Variants in KIAA1549L observed in about 807,000 individuals in gnomAD.
The protein encoded by KIAA1549L is KIAA1549 like.
A neutral mutation model predicts 160.7 loss-of-function variants in KIAA1549L; 88 were observed. The observed-to-expected ratio is 0.55, with a 90% CI of 0.46 to 0.65. The LOEUF (loss-of-function observed/expected upper bound fraction) is 0.65. Among genes scored for constraint, KIAA1549L ranks in the 30% least tolerant of loss-of-function variants. The pLI, the probability that KIAA1549L is intolerant of heterozygous loss-of-function variation, is 0.00. For synonymous variants in KIAA1549L, 950 were observed against 976.7 expected (o/e 0.97, Z 0.51); for missense variants, 2,258 against 2,437.5 (o/e 0.93, Z 1.55).
chr11:33,643,248 G>A (rs1427694599), intron 16 of KIAA1549L, among the ~76,000 whole-genome samples: 1 of 152,070 alleles, frequency 6.6e-6, no homozygotes, highest in Non-Finnish European at 1.5e-5. Flanking sequence ...AGCAAAGGTA[G>A]CACTTATGTA....
intron 11 of KIAA1549L, among the ~76,000 whole-genome samples, chr11:33,588,907 C>G (rs192195771): frequency 2.1e-4 from 32 of 152,114 alleles, no homozygotes; most frequent in African/African-American, 7.0e-4. Context: ...TAGACAGCCT[C>G]AAATAAAAAA....
At chr11:33,431,655 C>A (rs1418853592) in intron 1 of KIAA1549L, among the ~76,000 whole-genome samples, 1 of 152,260 alleles carries the variant, frequency 6.6e-6, no homozygotes, top group African/African-American at 2.4e-5. Flanking sequence ...AAGGCCCCAC[C>A]AGACTCAGGA....
intron 14 of KIAA1549L, among the ~76,000 whole-genome samples, chr11:33,607,799 C>T (rs1364472320): frequency 6.6e-6 from 1 of 152,138 alleles, no homozygotes; most frequent in East Asian, 1.9e-4. Flanking sequence ...TTTACAAACC[C>T]AACTCAGGAA....
chr11:33,443,903 C>T (rs1851558903), intron 1 of KIAA1549L, among the ~76,000 whole-genome samples: 1 of 152,148 alleles, frequency 6.6e-6, no homozygotes, highest in Admixed American at 6.5e-5. Flanking sequence ...GGAGCTGGCA[C>T]CAGTGAGCTC....
At position 33,385,054 on chromosome 11, in the gene KIAA1549L, C is replaced by T. The variant is rs149563249; in HGVS notation, c.238+8165C>T. On this transcript the variant is annotated intron_variant, in intron 1 of 20. Coordinates refer to ENST00000658780, the MANE Select transcript of KIAA1549L (RefSeq NM_012194.3). The stretch of plus-strand genomic sequence containing the variant: ...TAGCATAGAAATTGCCTAATGTGTG[C>T]CAAGGTCACAAATATCTATGATTTC... 2.0e-5 allele frequency among the ~76,000 whole-genome samples: 3 copies of T among 151,650 alleles called. No individual in the cohort carries two copies. In the East Asian group the frequency reaches 5.8e-4, roughly 29 times the overall value.
At chr11:33,512,041 G>A (rs534477309) in intron 1 of KIAA1549L, among the ~76,000 whole-genome samples, 44 of 152,268 alleles carry the variant, frequency 2.9e-4, no homozygotes, top group Non-Finnish European at 4.9e-4. Flanking sequence ...CTAGTTAGCC[G>A]TTTCTCCTGG....
At chr11:33,567,321 A>C (rs1050087196) in intron 8 of KIAA1549L, among the ~76,000 whole-genome samples, 2 of 152,184 alleles carry the variant, frequency 1.3e-5, no homozygotes, top group African/African-American at 4.8e-5. Context: ...GTTGGCTGTG[A>C]TGTACACTTT....
At chr11:33,628,882 G>T (rs551067453) in intron 16 of KIAA1549L, among the ~76,000 whole-genome samples, 1 of 152,002 alleles carries the variant, frequency 6.6e-6, no homozygotes, top group South Asian at 2.1e-4. Flanking sequence ...TCCCAGTCTC[G>T]ATGGTCCTTA....
chr11:33,650,644 G>C (rs1002067451), intron 17 of KIAA1549L, among the ~76,000 whole-genome samples: 1 of 152,050 alleles, frequency 6.6e-6, no homozygotes, highest in Non-Finnish European at 1.5e-5. Flanking sequence ...TACTCAACAC[G>C]CCGTCACCAG....
At chr11:33,498,747 A>G (rs1852877167) in intron 1 of KIAA1549L, among the ~76,000 whole-genome samples, 1 of 152,280 alleles carries the variant, frequency 6.6e-6, no homozygotes. Context: ...GATGAAGTGT[A>G]TGTATACAGG....
At chr11:33,557,769 C>T (rs1005922181) in intron 6 of KIAA1549L, among the ~76,000 whole-genome samples, 2 of 152,078 alleles carry the variant, frequency 1.3e-5, no homozygotes, top group East Asian at 1.9e-4. Context: ...TGCCTGTAGT[C>T]CCAGCTATCC....
At chr11:33,593,385 G>A (rs1327102465) in intron 12 of KIAA1549L, among the ~76,000 whole-genome samples, 1 of 152,220 alleles carries the variant, frequency 6.6e-6, no homozygotes, top group Non-Finnish European at 1.5e-5. Context: ...GCTGCAGGGA[G>A]CTGTGATTGT....
intron 1 of KIAA1549L, among the ~76,000 whole-genome samples, chr11:33,522,916 T>C (rs1392895479): frequency 2.7e-5 from 4 of 149,746 alleles, no homozygotes; most frequent in African/African-American, 9.9e-5. Context: ...AAAAAAAATA[T>C]GGTCTTTACA....
intron 1 of KIAA1549L, among the ~76,000 whole-genome samples, chr11:33,504,821 C>G (rs540906810): frequency 6.6e-6 from 1 of 152,294 alleles, no homozygotes; most frequent in East Asian, 1.9e-4. Flanking sequence ...TGCTGGAGTG[C>G]AGTGGTGCAA....
chr11:33,524,619 A>G (rs1270375510), intron 1 of KIAA1549L, among the ~76,000 whole-genome samples: 5 of 152,192 alleles, frequency 3.3e-5, no homozygotes, highest in Non-Finnish European at 5.9e-5. Flanking sequence ...TATAGCTTTT[A>G]CTGTTCCAAC....
At chr11:33,588,876 G>A (rs925477955) in intron 11 of KIAA1549L, among the ~76,000 whole-genome samples, 1 of 152,128 alleles carries the variant, frequency 6.6e-6, no homozygotes, top group African/African-American at 2.4e-5. Flanking sequence ...GGAACTGGGG[G>A]AGCTGTCCAT....
chr11:33,547,857 A>C lies in KIAA1549L; in HGVS notation c.3479A>C (p.His1160Pro). 6.2e-7 allele frequency: 1 copy of C among 1,612,708 alleles called. No homozygotes were observed. The highest frequency in any genetic ancestry group is 1.1e-5 in the South Asian group (1 of 90,842). Residue 1160 changes from histidine to proline, a missense_variant, in exon 4 of 21, where the codon CAC (histidine) becomes CCC (proline). By Grantham distance (77) the His-to-Pro change is moderately conservative. This residue lies in a region of KIAA1549L where 1,359 missense variants were observed against 1,546.6 expected (regional missense o/e 0.88). Transcript: ENST00000658780. ...GLTQALRKAFHQNDVSAHVDI... is the reference protein window; with the variant it reads ...GLTQALRKAFPQNDVSAHVDI... ...ACACAGGCATTGCGGAAGGCTTTCC[A>C]CCAGAACGATGTCTCAGCTCACGTA...
At chr11:33,477,437 A>G (rs1852310249) in intron 1 of KIAA1549L, among the ~76,000 whole-genome samples, 1 of 152,208 alleles carries the variant, frequency 6.6e-6, no homozygotes, top group African/African-American at 2.4e-5. Context: ...AAGATGTAAG[A>G]TATTTAATGT....
chr11:33,646,042 T>A lies in KIAA1549L; in HGVS notation c.5760+6T>A. The stretch of plus-strand genomic sequence containing the variant: ...AGTACAGTCTGCCCCGGCCGGTAAG[T>A]CATTCATTCCACCCACCTGCCATCA... On this transcript the variant is annotated splice_donor_region_variant and intron_variant, in intron 17 of 20. Transcript: ENST00000658780. 1 of 1,544,620 alleles carries A rather than the reference T, an allele frequency of 6.5e-7. No individual in the cohort carries two copies. The highest frequency in any genetic ancestry group is 2.1e-4 in the Middle Eastern group (1 of 4,862).
Sources: gnomAD v4.1 joint callset for allele counts (sites outside exome capture counted in the v4.1 genomes callset) on GRCh38, gnomAD v4.1.1 for gene constraint, gnomAD v4.1.1 regional missense constraint, MANE v1.5 for transcripts, NCBI Gene and HGNC (gene_info 2026-07-23, HGNC 2026-07-21) for gene names.